The following SPOCK3 variants were observed in gnomAD, a reference collection of about 807,000 sequenced individuals.
SPOCK3 encodes SPARC (osteonectin), cwcv and kazal like domains proteoglycan 3.
SPOCK3 carries 30 observed loss-of-function variants against 56.6 expected under a neutral mutation model. The ratio of observed to expected loss-of-function variants is 0.53; its 90% CI spans 0.40 to 0.72. The LOEUF is 0.72. SPOCK3 is among the 30% of genes least tolerant of loss of function. The pLI is 0.00. For missense variants in SPOCK3, 527 were observed against 530.0 expected (o/e 0.99, Z 0.06); for synonymous variants, 196 against 183.3 (o/e 1.07, Z -0.56).
At chr4:166,745,221 T>C (rs570190615) in intron 8 of SPOCK3, among the ~76,000 whole-genome samples, 24 of 152,152 alleles carry the variant, frequency 1.6e-4, no homozygotes, top group African/African-American at 5.5e-4. Context: ...GGAAAAAATG[T>C]TAAGGGCAGC....
chr4:167,222,499 A>G (rs1455560118), intron 2 of SPOCK3, among the ~76,000 whole-genome samples: 2 of 138,430 alleles, frequency 1.4e-5, no homozygotes, highest in Non-Finnish European at 3.2e-5. Flanking sequence ...TTACATATGA[A>G]TATATGAATA....
intron 2 of SPOCK3, among the ~76,000 whole-genome samples, chr4:167,116,913 G>GTA (rs70957813): frequency 0.017 from 2,113 of 121,458 alleles, 33 homozygotes; most frequent in African/African-American, 0.034. Context: ...GTGTGTGTGT[G>GTA]TATATATATA....
chr4:167,169,999 C>T (rs775494450), intron 2 of SPOCK3, among the ~76,000 whole-genome samples: 13 of 152,114 alleles, frequency 8.5e-5, no homozygotes, highest in Non-Finnish European at 1.3e-4. Flanking sequence ...GCCTCTTCAG[C>T]CATGTGGGAC....
chr4:167,141,295 C>T (rs892198529), intron 2 of SPOCK3, among the ~76,000 whole-genome samples: 4 of 152,006 alleles, frequency 2.6e-5, no homozygotes, highest in Admixed American at 2.6e-4. Context: ...TTTTTCCAGA[C>T]GTCCTAGTGC....
At chr4:166,774,731 T>G (rs747636560) in intron 7 of SPOCK3, among the ~76,000 whole-genome samples, 3 of 152,154 alleles carry the variant, frequency 2.0e-5, no homozygotes, top group Admixed American at 2.0e-4. Context: ...TGGGAACACA[T>G]ATAAAGCTGT....
At chr4:166,750,085 G>A (rs1053722787) in intron 8 of SPOCK3, among the ~76,000 whole-genome samples, 41 of 152,118 alleles carry the variant, frequency 2.7e-4, no homozygotes, top group African/African-American at 9.9e-4. Flanking sequence ...TACAAGCTCT[G>A]TGTAAAAGAA....
intron 4 of SPOCK3, among the ~76,000 whole-genome samples, chr4:166,935,214 A>G (rs764047126): frequency 2.0e-4 from 31 of 151,656 alleles, no homozygotes; most frequent in Non-Finnish European, 3.4e-4. Flanking sequence ...CCTTATCCCA[A>G]CTGTTTCCTG....
intron 8 of SPOCK3, 103 bp downstream of exon 8, chr4:166,754,405 C>T (rs1736793903): frequency 2.8e-6 from 4 of 1,421,992 alleles, no homozygotes; most frequent in Non-Finnish European, 3.7e-6. Flanking sequence ...CAAAAACATA[C>T]ACAAAATGAA....
At chr4:167,024,469 G>GA (rs1751502570) in intron 3 of SPOCK3, among the ~76,000 whole-genome samples, 1 of 151,936 alleles carries the variant, frequency 6.6e-6, no homozygotes, top group South Asian at 2.1e-4. Flanking sequence ...AATTCTATTA[G>GA]ATTATGTAAG....
At chr4:166,934,445 C>G (rs940611546) in intron 4 of SPOCK3, among the ~76,000 whole-genome samples, 3 of 151,954 alleles carry the variant, frequency 2.0e-5, no homozygotes, top group African/African-American at 7.2e-5. Flanking sequence ...TTGCAGTGAG[C>G]CGAGATCGCG....
At chr4:167,100,020 T>C (rs1298405206) in intron 2 of SPOCK3, among the ~76,000 whole-genome samples, 1 of 152,190 alleles carries the variant, frequency 6.6e-6, no homozygotes, top group African/African-American at 2.4e-5. Flanking sequence ...ATTTATAATA[T>C]GTTCAGAAGT....
intron 4 of SPOCK3, among the ~76,000 whole-genome samples, chr4:166,973,606 G>T (rs1445337473): frequency 6.6e-6 from 1 of 151,924 alleles, no homozygotes; most frequent in Non-Finnish European, 1.5e-5. Context: ...TGAAATATAA[G>T]AAATATAAGA....
intron 4 of SPOCK3, among the ~76,000 whole-genome samples, chr4:166,954,821 C>T (rs961273352): frequency 7.2e-5 from 11 of 152,180 alleles, no homozygotes; most frequent in African/African-American, 2.7e-4. Context: ...ACTCCATCCC[C>T]CACCCGCAGG....
rs140570462 is a variant in SPOCK3, at chr4:166,808,625, G to A, written c.590-16336C>T. Among the ~76,000 whole-genome samples, 400 of 152,166 alleles carry A rather than the reference G, an allele frequency of 2.6e-3. 1 individual carries two copies. The highest frequency in any genetic ancestry group is 9.3e-3 in the African/African-American group (385 of 41,534). On this transcript the variant is annotated intron_variant, in intron 6 of 10. Coordinates refer to ENST00000357545, the MANE Select transcript of SPOCK3 (RefSeq NM_001040159.2). ...TCTGTTGTTTGTCATCCAGCCTATG[G>A]TATTTTATTATGGCAGCCTGAGCTA...
intron 2 of SPOCK3, among the ~76,000 whole-genome samples, chr4:167,071,036 AAAAT>A (rs1756623744): frequency 6.6e-6 from 1 of 151,974 alleles, no homozygotes; most frequent in South Asian, 2.1e-4. Flanking sequence ...AAACATAAAT[AAAAT>A]AAATAGTGTC....
At chr4:166,788,040 G>A (rs1263846856) in intron 7 of SPOCK3, among the ~76,000 whole-genome samples, 1 of 152,042 alleles carries the variant, frequency 6.6e-6, no homozygotes, top group East Asian at 1.9e-4. Flanking sequence ...AAGGTTAGCT[G>A]GTGTGGTGGC....
intron 8 of SPOCK3, among the ~76,000 whole-genome samples, chr4:166,743,822 G>T (rs1023497038): frequency 6.6e-6 from 1 of 152,186 alleles, no homozygotes; most frequent in African/African-American, 2.4e-5. Flanking sequence ...CGCCTGGTTT[G>T]GTGGGTCCCA....
intron 2 of SPOCK3, among the ~76,000 whole-genome samples, chr4:167,182,047 T>C (rs982608516): frequency 2.6e-5 from 4 of 152,158 alleles, no homozygotes; most frequent in Admixed American, 6.5e-5. Context: ...CTTCATGATT[T>C]TTTAAGCTAC....
Position 166,745,347 on chromosome 4 carries a change from G to T in SPOCK3, c.932-3288C>A, listed in dbSNP as rs143215053. ...GGGGCCAATATTCAACATTCTTAAA[G>T]AAAAGTATTTTCAACCCAGTATTTC... On this transcript the variant is annotated intron_variant, in intron 8 of 10. Coordinates refer to ENST00000357545, the MANE Select transcript of SPOCK3 (RefSeq NM_001040159.2). 3.3e-3 allele frequency among the ~76,000 whole-genome samples: 496 copies of T among 152,286 alleles called. 3 individuals carry two copies. Among genetic ancestry groups the T allele is most frequent in the African/African-American group, 0.011 (455 of 41,552 alleles).
Sources: gnomAD v4.1 joint callset for allele counts (sites outside exome capture counted in the v4.1 genomes callset) on GRCh38, gnomAD v4.1.1 for gene constraint, MANE v1.5 for transcripts, NCBI Gene and HGNC (gene_info 2026-07-23, HGNC 2026-07-21) for gene names.